Variants in SLIT3 observed in about 807,000 individuals in gnomAD.
SLIT3 encodes slit homolog 3 protein.
In SLIT3, 68 loss-of-function variants were observed where a neutral mutation model predicts 184.0. The ratio of observed to expected loss-of-function variants is 0.37; its 90% CI spans 0.30 to 0.45. The LOEUF is 0.45. Among genes scored for constraint, SLIT3 ranks in the 20% least tolerant of loss-of-function variants. The pLI, the probability that SLIT3 is intolerant of heterozygous loss-of-function variation, is 1.00. For synonymous variants in SLIT3, 831 were observed against 828.6 expected (o/e 1.00, Z -0.05); for missense variants, 1,707 against 2,026.0 (o/e 0.84, Z 3.02).
At chr5:168,986,185 C>A (rs62378604) in intron 4 of SLIT3, among the ~76,000 whole-genome samples, 3,567 of 152,196 alleles carry the variant, frequency 0.023, 58 homozygotes, top group Non-Finnish European at 0.035. Flanking sequence ...TCTGGTTCTC[C>A]CAATTCCCTG....
At chr5:169,059,872 G>T (rs950348180) in intron 4 of SLIT3, among the ~76,000 whole-genome samples, 1 of 152,216 alleles carries the variant, frequency 6.6e-6, no homozygotes, top group Non-Finnish European at 1.5e-5. Flanking sequence ...TGCCCAAAGT[G>T]ATATGTTAAG....
intron 6 of SLIT3, among the ~76,000 whole-genome samples, chr5:168,837,785 G>T (rs1758103010): frequency 6.6e-6 from 1 of 152,170 alleles, no homozygotes; most frequent in Admixed American, 6.5e-5. Context: ...TATTTGCTAG[G>T]CACACACCAA....
At chr5:169,091,837 G>A (rs1759596629) in intron 4 of SLIT3, among the ~76,000 whole-genome samples, 1 of 152,210 alleles carries the variant, frequency 6.6e-6, no homozygotes, top group South Asian at 2.1e-4. Context: ...CAGATGGCAT[G>A]GGCTGGGCCA....
chr5:168,883,447 A>C, intron 4 of SLIT3, 111 bp from the exon 5 acceptor site: 1 of 780,774 alleles, frequency 1.3e-6, no homozygotes, highest in South Asian at 1.6e-5. Flanking sequence ...CTGCGGTCAG[A>C]GTGTATGGCG....
Position 168,753,102 on chromosome 5 carries a change from C to G in SLIT3, c.1830-4G>C, listed in dbSNP as rs374300806. 78 of 1,613,814 alleles carry G rather than the reference C, an allele frequency of 4.8e-5. No individual in the cohort carries two copies. Among genetic ancestry groups the G allele is most frequent in the Non-Finnish European group, 9.3e-6 (11 of 1,179,930 alleles). On this transcript the variant is annotated splice_region_variant and splice_polypyrimidine_tract_variant and intron_variant, in intron 17 of 35. Coordinates refer to ENST00000519560, the MANE Select transcript of SLIT3 (RefSeq NM_003062.4). ...GATCAAGTTACTCCTCAGCATCCTA[C>G]AGGGAGAGGGGTGGGGATGAGAGAG...
chr5:168,897,734 T>G, intron 4 of SLIT3, among the ~76,000 whole-genome samples: 1 of 151,112 alleles, frequency 6.6e-6, no homozygotes, highest in Non-Finnish European at 1.5e-5. Context: ...GCCAAGCAAG[T>G]ATGGGGCTGG....
chr5:168,965,266 TCTC>T (rs949995676), intron 4 of SLIT3, among the ~76,000 whole-genome samples: 10 of 152,230 alleles, frequency 6.6e-5, no homozygotes, highest in African/African-American at 2.2e-4. Context: ...ATAAGCCTAT[TCTC>T]CTAGCATTTG....
At chr5:169,259,748 T>G (rs1180570841) in intron 1 of SLIT3, among the ~76,000 whole-genome samples, 2 of 152,200 alleles carry the variant, frequency 1.3e-5, no homozygotes, top group Non-Finnish European at 2.9e-5. Flanking sequence ...ACATGACCTA[T>G]GGAGTCCTGT....
chr5:169,268,278 T>G (rs1174434771), intron 1 of SLIT3, among the ~76,000 whole-genome samples: 2 of 152,146 alleles, frequency 1.3e-5, no homozygotes, highest in Non-Finnish European at 2.9e-5. Context: ...AGAGTTAGCT[T>G]CATTGCTCAT....
intron 3 of SLIT3, among the ~76,000 whole-genome samples, chr5:169,198,339 T>G (rs1000884520): frequency 6.6e-6 from 1 of 152,186 alleles, no homozygotes; most frequent in Admixed American, 6.5e-5. Context: ...AGTTTAGTTT[T>G]AAAGGATGAC....
chr5:168,814,787 C>T (rs1462271622), intron 8 of SLIT3, among the ~76,000 whole-genome samples: 5 of 152,218 alleles, frequency 3.3e-5, no homozygotes, highest in Non-Finnish European at 7.3e-5. Context: ...TTTGCACCCA[C>T]GTAATAGCAG....
At chr5:168,838,014 G>A (rs1347099426) in intron 6 of SLIT3, among the ~76,000 whole-genome samples, 1 of 152,156 alleles carries the variant, frequency 6.6e-6, no homozygotes, top group Non-Finnish European at 1.5e-5. Flanking sequence ...TTAAGCTGAG[G>A]TCATAAATTT....
intron 9 of SLIT3, among the ~76,000 whole-genome samples, chr5:168,799,687 T>C (rs17070500): frequency 0.25 from 32,958 of 133,434 alleles, 3,928 homozygotes; most frequent in African/African-American, 0.31. Context: ...TGTGGAAACA[T>C]TGGTGGTGGT....
intron 23 of SLIT3, among the ~76,000 whole-genome samples, chr5:168,718,731 TTCTCTC>T (rs150162755): frequency 2.2e-5 from 1 of 46,346 alleles, no homozygotes; most frequent in African/African-American, 7.8e-5. Context: ...CACACACACA[TTCTCTC>T]TCTCTCTCTC....
At chr5:169,192,062 G>A (rs1763570092) in intron 4 of SLIT3, among the ~76,000 whole-genome samples, 1 of 152,164 alleles carries the variant, frequency 6.6e-6, no homozygotes, top group African/African-American at 2.4e-5. Context: ...TAAGGGCAGG[G>A]CTATGAAAGG....
intron 27 of SLIT3, among the ~76,000 whole-genome samples, chr5:168,699,136 G>A (rs1314227239): frequency 1.3e-5 from 2 of 152,210 alleles, no homozygotes; most frequent in Non-Finnish European, 2.9e-5. Flanking sequence ...AGCAGGAGTG[G>A]GTGGTTTGGC....
chr5:168,669,715 A>C (rs779637735), intron 35 of SLIT3, 68 bp downstream of exon 35: 8 of 1,278,358 alleles, frequency 6.3e-6, no homozygotes, highest in Non-Finnish European at 4.5e-6. Flanking sequence ...ACTGGAACTG[A>C]GGTGATCTGG....
intron 6 of SLIT3, among the ~76,000 whole-genome samples, chr5:168,829,679 G>T (rs200373584): frequency 4.9e-5 from 5 of 101,134 alleles, no homozygotes; most frequent in Non-Finnish European, 1.1e-4. Flanking sequence ...AAGCCTAGAA[G>T]AAAGTGCAAT....
At chr5:169,210,588 G>A (rs971598811) in intron 3 of SLIT3, among the ~76,000 whole-genome samples, 6 of 152,230 alleles carry the variant, frequency 3.9e-5, no homozygotes, top group African/African-American at 1.2e-4. Flanking sequence ...CAGTTAGTAG[G>A]AAGAGAACTT....
Sources: gnomAD v4.1 joint callset for allele counts (sites outside exome capture counted in the v4.1 genomes callset) on GRCh38, gnomAD v4.1.1 for gene constraint, MANE v1.5 for transcripts, NCBI Gene and HGNC (gene_info 2026-07-23, HGNC 2026-07-21) for gene names.